The following ZFP64 variants were observed in gnomAD, a reference collection of about 807,000 sequenced individuals.
The protein encoded by ZFP64 is ZFP64 zinc finger protein, also known as zinc finger protein 64.
ZFP64 carries 14 observed loss-of-function variants against 51.6 expected under a neutral mutation model. The ratio of observed to expected loss-of-function variants is 0.27; its 90% CI spans 0.18 to 0.42. The LOEUF (loss-of-function observed/expected upper bound fraction) is 0.42. Among genes scored for constraint, ZFP64 ranks in the 10% least tolerant of loss-of-function variants. The pLI, the probability that ZFP64 is intolerant of heterozygous loss-of-function variation, is 1.00. For synonymous variants in ZFP64, 375 were observed against 361.4 expected (o/e 1.04, Z -0.43); for missense variants, 754 against 906.8 (o/e 0.83, Z 2.16).
intron 5 of ZFP64, among the ~76,000 whole-genome samples, chr20:52,099,188 A>C (rs2079025013): frequency 6.6e-6 from 1 of 152,156 alleles, no homozygotes; most frequent in Non-Finnish European, 1.5e-5. Flanking sequence ...TTTTTCTAAC[A>C]ATTTCTAATC....
At chr20:52,095,061 C>A (rs2078973908) in intron 7 of ZFP64, among the ~76,000 whole-genome samples, 1 of 152,336 alleles carries the variant, frequency 6.6e-6, no homozygotes, top group South Asian at 2.1e-4. Flanking sequence ...AGCTTATTTG[C>A]ATATGTTAAT....
intron 1 of ZFP64, among the ~76,000 whole-genome samples, chr20:52,188,998 C>T (rs1406626643): frequency 2.6e-5 from 4 of 151,764 alleles, no homozygotes; most frequent in Non-Finnish European, 4.4e-5. Context: ...AAAGATAACT[C>T]GTGTTTATAA....
downstream of ZFP64, among the ~76,000 whole-genome samples, chr20:52,147,537 A>T (rs1043214460): frequency 6.6e-6 from 1 of 152,214 alleles, no homozygotes. Context: ...CAATCTGAAA[A>T]TAAAAGACTA....
At chr20:52,094,571 G>A (rs932749977) in intron 7 of ZFP64, among the ~76,000 whole-genome samples, 3 of 152,092 alleles carry the variant, frequency 2.0e-5, no homozygotes, top group African/African-American at 7.2e-5. Context: ...GACTAGCCTT[G>A]ACAATAGTGA....
intron 5 of ZFP64, among the ~76,000 whole-genome samples, chr20:52,134,813 C>CT (rs1399590278): frequency 6.6e-6 from 1 of 151,928 alleles, no homozygotes; most frequent in Non-Finnish European, 1.5e-5. Context: ...TTACGGACCA[C>CT]TTTTTTTTGT....
intron 7 of ZFP64, chr20:52,088,831 G>C (rs2078891339): frequency 3.9e-6 from 3 of 768,186 alleles, no homozygotes; most frequent in East Asian, 2.6e-5. Flanking sequence ...TGATAGTTCA[G>C]AAATCCTAAG....
intron 5 of ZFP64, chr20:52,110,943 C>T: frequency 2.6e-6 from 4 of 1,560,520 alleles, no homozygotes; most frequent in Non-Finnish European, 3.5e-6. Context: ...CGTAGCGGTA[C>T]TGGGTGTTGA....
downstream of ZFP64, among the ~76,000 whole-genome samples, chr20:52,148,430 C>A (rs1352447242): frequency 1.3e-5 from 2 of 152,132 alleles, no homozygotes; most frequent in Non-Finnish European, 1.5e-5. Context: ...AATATGAGTT[C>A]TTGGCATGAG....
intron 7 of ZFP64, among the ~76,000 whole-genome samples, chr20:52,092,352 G>A (rs1009697674): frequency 1.3e-5 from 2 of 150,346 alleles, no homozygotes; most frequent in East Asian, 3.9e-4. Context: ...AATCGAAGAT[G>A]TCTCCAGACA....
intron 5 of ZFP64, among the ~76,000 whole-genome samples, chr20:52,113,500 T>G (rs1978707528): frequency 7.1e-6 from 1 of 140,240 alleles, no homozygotes. Context: ...CGATCTCGGC[T>G]CACTGCATCC....
rs2122921925 is a variant in ZFP64, at chr20:52,143,776, T to C, written c.763+16347A>G. 1.4e-5 allele frequency among the ~76,000 whole-genome samples: 2 copies of C among 142,726 alleles called. 1 individual carries two copies. The highest frequency in any genetic ancestry group is 4.8e-4 in the South Asian group (2 of 4,208). The allele number at this position is 142,726 out of a possible 152,430, so 93.6% of individuals were successfully genotyped here. On this transcript the variant is annotated intron_variant, in intron 5 of 8. Transcript: ENST00000361387. ...TGCTGCTCAAGCTGGTCTGGAATCC[T>C]TGGGCTCATGTGATCCTTTTGCCTT...
intron 7 of ZFP64, among the ~76,000 whole-genome samples, chr20:52,094,639 G>A (rs980623428): frequency 2.6e-5 from 4 of 152,144 alleles, no homozygotes; most frequent in Admixed American, 6.5e-5. Flanking sequence ...CATGCCTGCA[G>A]CCCCAGCTAT....
At chr20:52,162,311 A>G (rs1265800875) in intron 4 of ZFP64, among the ~76,000 whole-genome samples, 1 of 150,962 alleles carries the variant, frequency 6.6e-6, no homozygotes, top group Non-Finnish European at 1.5e-5. Context: ...AGGAAAAAAA[A>G]AAATTAGCAT....
At chr20:52,159,314 A>G (rs1981580298) in intron 5 of ZFP64, among the ~76,000 whole-genome samples, 1 of 152,250 alleles carries the variant, frequency 6.6e-6, no homozygotes, top group Non-Finnish European at 1.5e-5. Flanking sequence ...TTTTTGGTCA[A>G]GCTGTTCCAT....
At chr20:52,118,845 G>A (rs1197465112) in intron 5 of ZFP64, among the ~76,000 whole-genome samples, 1 of 150,796 alleles carries the variant, frequency 6.6e-6, no homozygotes. Flanking sequence ...TCTTGGGCAG[G>A]TAAAGAAGTG....
intron 5 of ZFP64, among the ~76,000 whole-genome samples, chr20:52,137,653 G>T (rs1483976367): frequency 6.6e-6 from 1 of 152,084 alleles, no homozygotes; most frequent in Admixed American, 6.6e-5. Context: ...GGTCAATTGG[G>T]AATTTGAATG....
chr20:52,166,996 GA>G (rs142762031), intron 2 of ZFP64, among the ~76,000 whole-genome samples: 39,447 of 149,154 alleles, frequency 0.26, 5,294 homozygotes, highest in Admixed American at 0.31. Flanking sequence ...GAAGCAAAAA[GA>G]AAAAAAAAAT....
At chr20:52,086,110 T>C (rs2078861297) in intron 8 of ZFP64, among the ~76,000 whole-genome samples, 1 of 152,094 alleles carries the variant, frequency 6.6e-6, no homozygotes, top group Admixed American at 6.6e-5. Context: ...TTGTTAGAAG[T>C]AGCTTTCTTT....
intron 5 of ZFP64, among the ~76,000 whole-genome samples, chr20:52,126,193 C>G (rs181384169): frequency 6.6e-6 from 1 of 152,152 alleles, no homozygotes; most frequent in Non-Finnish European, 1.5e-5. Context: ...CCAGCGTGCC[C>G]GGCCCACAAC....
Sources: gnomAD v4.1 joint callset for allele counts (sites outside exome capture counted in the v4.1 genomes callset) on GRCh38, gnomAD v4.1.1 for gene constraint, MANE v1.5 for transcripts, NCBI Gene and HGNC (gene_info 2026-07-23, HGNC 2026-07-21) for gene names.